Variants in CAMK4 observed in about 807,000 individuals in gnomAD.
CAMK4 encodes the protein calcium/calmodulin dependent protein kinase IV, also known as calcium/calmodulin-dependent protein kinase type IV.
Under a neutral mutation model 44.9 loss-of-function variants are expected in CAMK4, and 22 were observed. The ratio of observed to expected loss-of-function variants is 0.49; its 90% CI spans 0.35 to 0.70. CAMK4 has a LOEUF of 0.70. Among genes scored for constraint, CAMK4 ranks in the 30% least tolerant of loss-of-function variants. CAMK4 has a pLI of 0.01. For missense variants in CAMK4, 498 were observed against 586.8 expected, an observed-to-expected ratio of 0.85 and a Z score of 1.56; for synonymous variants, 218 against 215.4, an observed-to-expected ratio of 1.01 and a Z score of -0.11.
intron 5 of CAMK4, among the ~76,000 whole-genome samples, chr5:111,416,745 A>G (rs1227468061): frequency 6.6e-6 from 1 of 152,244 alleles, no homozygotes; most frequent in Non-Finnish European, 1.5e-5. Context: ...GCTATATGCA[A>G]AAAACTTAGC....
intron 2 of CAMK4, among the ~76,000 whole-genome samples, chr5:111,355,399 G>C (rs953815808): frequency 6.6e-6 from 1 of 152,060 alleles, no homozygotes; most frequent in Non-Finnish European, 1.5e-5. Context: ...TTGAAAGTCA[G>C]AACATTCTTC....
Position 111,344,029 on chromosome 5 carries a change from C to T in CAMK4, c.167C>T (p.Ala56Val). 6.3e-7 allele frequency: 1 copy of T among 1,593,162 alleles called. No individual in the cohort carries two copies. Among genetic ancestry groups the T allele is most frequent in the Non-Finnish European group, 8.6e-7 (1 of 1,163,150 alleles). Residue 56 changes from alanine to valine, a missense_variant, in exon 2 of 11, where the codon GCT (alanine) becomes GTT (valine). Transcript: ENST00000282356. Reference protein sequence around the residue: ...FEVESELGRGATSIVYRCKQK... With the variant: ...FEVESELGRGVTSIVYRCKQK... ...TTGTCTTTTTCCCCCTCAAGGGGTG[C>T]TACATCCATTGTGTACAGATGCAAA...
intron 5 of CAMK4, among the ~76,000 whole-genome samples, chr5:111,408,357 A>T (rs1264180248): frequency 6.6e-6 from 1 of 152,202 alleles, no homozygotes; most frequent in Non-Finnish European, 1.5e-5. Context: ...AAGGCAAAGG[A>T]GAAGCAAAGG....
chr5:111,395,805 C>G (rs1288015355), intron 5 of CAMK4, among the ~76,000 whole-genome samples: 2 of 152,062 alleles, frequency 1.3e-5, no homozygotes, highest in African/African-American at 4.8e-5. Flanking sequence ...TTTGGTGATT[C>G]ATTTATTGAA....
intron 1 of CAMK4, among the ~76,000 whole-genome samples, chr5:111,274,244 C>T (rs550736062): frequency 1.3e-5 from 2 of 152,166 alleles, no homozygotes; most frequent in East Asian, 3.9e-4. Flanking sequence ...TTCCTATATC[C>T]TCCCATTCAT....
rs548271946 is a variant in CAMK4, at chr5:111,441,539, G to T, written c.460-5147G>T. On this transcript the variant is annotated intron_variant, in intron 5 of 10. Coordinates refer to ENST00000282356, the MANE Select transcript of CAMK4 (RefSeq NM_001744.6). ...CCTTTAGAAGTAGGGTGCTACAATT[G>T]TCAGATTTGTTGTTTCTGTCTCCAT... Among the ~76,000 whole-genome samples the T allele has an allele frequency of 9.2e-5, 14 of 152,218 alleles. No individual in the cohort carries two copies. The East Asian group carries it at 2.3e-3, about 25-fold the overall frequency.
intron 1 of CAMK4, among the ~76,000 whole-genome samples, chr5:111,225,588 C>T (rs1363696028): frequency 6.6e-6 from 1 of 152,144 alleles, no homozygotes; most frequent in Non-Finnish European, 1.5e-5. Context: ...CAAGTTGCAG[C>T]TTCTGTACTT....
At chr5:111,246,142 T>C (rs1201209645) in intron 1 of CAMK4, among the ~76,000 whole-genome samples, 1 of 152,200 alleles carries the variant, frequency 6.6e-6, no homozygotes, top group East Asian at 1.9e-4. Flanking sequence ...ATTCTCGAGA[T>C]GTTTAAGGAG....
At chr5:111,332,273 C>T (rs1322806565) in intron 1 of CAMK4, among the ~76,000 whole-genome samples, 9 of 125,250 alleles carry the variant, frequency 7.2e-5, no homozygotes, top group African/African-American at 2.4e-4. Flanking sequence ...TGTTCCCCTT[C>T]CTGTGTCCAT....
chr5:111,262,393 C>T (rs542565362), intron 1 of CAMK4, among the ~76,000 whole-genome samples: 81 of 152,232 alleles, frequency 5.3e-4, no homozygotes, highest in African/African-American at 1.9e-3. Context: ...TGAGAGGGTA[C>T]TATCTTTCTT....
chr5:111,243,679 T>C (rs1749106129), intron 1 of CAMK4, among the ~76,000 whole-genome samples: 1 of 152,218 alleles, frequency 6.6e-6, no homozygotes, highest in Non-Finnish European at 1.5e-5. Flanking sequence ...TTTTGCACCT[T>C]CTGAAGCCTA....
chr5:111,392,727 T>C (rs1268544639), intron 4 of CAMK4, among the ~76,000 whole-genome samples: 1 of 152,194 alleles, frequency 6.6e-6, no homozygotes, highest in Non-Finnish European at 1.5e-5. Flanking sequence ...TATATATTTA[T>C]TTTTTAATTC....
At chr5:111,325,096 G>A (rs1033093016) in intron 1 of CAMK4, among the ~76,000 whole-genome samples, 52 of 151,766 alleles carry the variant, frequency 3.4e-4, no homozygotes, top group African/African-American at 1.2e-3. Flanking sequence ...GAGAACATGC[G>A]GTGTTTGGTT....
intron 1 of CAMK4, among the ~76,000 whole-genome samples, chr5:111,280,161 G>A (rs2112601863): frequency 6.6e-6 from 1 of 152,156 alleles, no homozygotes; most frequent in East Asian, 1.9e-4. Flanking sequence ...AATGGAATAA[G>A]AATATTCCCC....
Position 111,478,429 on chromosome 5 carries a change from G to C in CAMK4, c.750G>C (p.Met250Ile). 6.3e-7 allele frequency: 1 copy of C among 1,576,450 alleles called. No homozygotes were observed. Among genetic ancestry groups the C allele is most frequent in the Non-Finnish European group, 8.7e-7 (1 of 1,148,126 alleles). ...PFYDERGDQF[M>I]FRRILNCEYY... Reference sequence around the variant, plus strand: ...ATGATGAAAGAGGCGATCAGTTCATGTTCAGGAGAATTCTGAATTGTGAAT... The same window carrying C: ...ATGATGAAAGAGGCGATCAGTTCATCTTCAGGAGAATTCTGAATTGTGAAT... The change falls in exon 9 of 11, where the codon ATG (methionine) becomes ATC (isoleucine). Residue 250 changes from methionine to isoleucine, a missense_variant. Met to Ile is a conservative substitution (Grantham distance 10). Around this residue, in one of 3 missense-constraint regions of CAMK4, gnomAD observed 203 missense variants for 298.2 expected, o/e 0.68. Transcript: ENST00000282356.
At chr5:111,443,890 A>G (rs1753936760) in intron 5 of CAMK4, among the ~76,000 whole-genome samples, 4 of 152,210 alleles carry the variant, frequency 2.6e-5, no homozygotes, top group Admixed American at 2.0e-4. Context: ...AAGGTACTAT[A>G]TGAGATATTC....
chr5:111,460,268 T>TC (rs1226445291), intron 7 of CAMK4, among the ~76,000 whole-genome samples: 1 of 135,034 alleles, frequency 7.4e-6, no homozygotes, highest in Non-Finnish European at 1.6e-5. Context: ...TTCTTTTCTT[T>TC]TTCTTTTTTT....
At position 111,489,221 on chromosome 5, in the gene CAMK4, A is replaced by C. The variant is rs900680970; in HGVS notation, c.*4755A>C. The C allele has an allele frequency of 6.6e-6, 1 of 152,216 alleles. No individual in the cohort carries two copies. The highest frequency in any genetic ancestry group is 1.5e-5 in the Non-Finnish European group (1 of 68,034). The allele number at this position is 152,216 out of a possible 1,614,324, so 9.4% of individuals were successfully genotyped here. On this transcript the variant is annotated 3_prime_UTR_variant, in exon 11 of 11. Coordinates refer to ENST00000282356, the MANE Select transcript of CAMK4 (RefSeq NM_001744.6). ...GTCCTTTTATTCCCCTGACACACTC[A>C]GGGTGAATTTTTGTCTCCTTGGCAA...
chr5:111,231,459 T>G (rs1238739353), intron 1 of CAMK4, among the ~76,000 whole-genome samples: 1 of 152,196 alleles, frequency 6.6e-6, no homozygotes, highest in Admixed American at 6.5e-5. Context: ...AAACCAAAAC[T>G]GTCTCTAAAC....
Sources: allele counts gnomAD v4.1 joint callset (sites outside exome capture counted in the v4.1 genomes callset), GRCh38; gene constraint gnomAD v4.1.1; regional missense constraint gnomAD v4.1.1; transcripts MANE v1.5; gene names NCBI Gene and HGNC (gene_info 2026-07-23, HGNC 2026-07-21).